NEDD4: variants seen among roughly 807,000 people sequenced by gnomAD.
NEDD4 encodes NEDD4 E3 ubiquitin protein ligase, also known as E3 ubiquitin-protein ligase NEDD4.
A neutral mutation model predicts 144.9 loss-of-function variants in NEDD4; 99 were observed. That is an observed-to-expected ratio of 0.68 (90% CI 0.58 to 0.81). The LOEUF is 0.81. NEDD4 is among the 30% of genes least tolerant of loss of function. The probability of loss-of-function intolerance (pLI) is 0.00; values close to 1 mark genes in which losing one functional copy is unlikely to be tolerated. For missense variants in NEDD4, 985 were observed against 1,065.9 expected (o/e 0.92, Z 1.06); for synonymous variants, 318 against 350.6 (o/e 0.91, Z 1.04).
chr15:55,836,536 T>A (rs2033205776), intron 24 of NEDD4, among the ~76,000 whole-genome samples: 1 of 151,886 alleles, frequency 6.6e-6, no homozygotes, highest in African/African-American at 2.4e-5. Flanking sequence ...CAGGCTAATT[T>A]TTTTTTTGAG....
chr15:55,957,249 A>C (rs1167902226), intron 2 of NEDD4, among the ~76,000 whole-genome samples: 1 of 152,164 alleles, frequency 6.6e-6, no homozygotes, highest in Non-Finnish European at 1.5e-5. Context: ...GCAAATAAAG[A>C]CAGTTTTACT....
At chr15:55,978,566 T>C (rs1160932106) in intron 1 of NEDD4, among the ~76,000 whole-genome samples, 1 of 152,132 alleles carries the variant, frequency 6.6e-6, no homozygotes, top group African/African-American at 2.4e-5. Flanking sequence ...TTAACAGAAA[T>C]CTGGATAGTG....
intron 5 of NEDD4, 40 bp from the exon 6 acceptor site, chr15:55,874,048 T>C: frequency 8.7e-7 from 1 of 1,155,664 alleles, no homozygotes; most frequent in Non-Finnish European, 1.2e-6. Context: ...AGTAATACGC[T>C]CAATTCCTTT....
intron 2 of NEDD4, among the ~76,000 whole-genome samples, chr15:55,954,431 AC>A (rs774259650): frequency 2.6e-5 from 4 of 152,202 alleles, no homozygotes; most frequent in Non-Finnish European, 5.9e-5. Context: ...AAATATAAAT[AC>A]AAAATGTAAA....
intron 24 of NEDD4, among the ~76,000 whole-genome samples, chr15:55,837,228 G>C (rs2033248945): frequency 6.6e-6 from 1 of 152,066 alleles, no homozygotes; most frequent in African/African-American, 2.4e-5. Context: ...TCTGGAGTTT[G>C]AGACCAGCCC....
intron 5 of NEDD4, among the ~76,000 whole-genome samples, chr15:55,900,380 T>C (rs1236745595): frequency 6.6e-6 from 1 of 152,218 alleles, no homozygotes; most frequent in African/African-American, 2.4e-5. Flanking sequence ...ATTTGGGTTA[T>C]AATTGTTATT....
At chr15:55,835,898 T>C (rs1433545746) in intron 24 of NEDD4, among the ~76,000 whole-genome samples, 7 of 152,204 alleles carry the variant, frequency 4.6e-5, no homozygotes, top group African/African-American at 1.7e-4. Flanking sequence ...TAGCCTTTAA[T>C]GCTACCTTCC....
intron 2 of NEDD4, among the ~76,000 whole-genome samples, chr15:55,956,480 G>T (rs1310711537): frequency 1.3e-5 from 2 of 152,148 alleles, no homozygotes; most frequent in African/African-American, 4.8e-5. Context: ...TAAGGACCAA[G>T]ATTCATTTCA....
chr15:55,977,038 C>G (rs1213717994), intron 1 of NEDD4, among the ~76,000 whole-genome samples: 2 of 152,202 alleles, frequency 1.3e-5, no homozygotes, highest in African/African-American at 4.8e-5. Flanking sequence ...CAAGCAGTAG[C>G]TTGTATGCCT....
At chr15:55,854,717 T>C (rs1472077004) in intron 12 of NEDD4, among the ~76,000 whole-genome samples, 3 of 152,056 alleles carry the variant, frequency 2.0e-5, no homozygotes, top group East Asian at 3.9e-4. Flanking sequence ...AACTCTTTAA[T>C]TGTATGATCA....
chr15:55,981,653 T>C (rs890935155), intron 1 of NEDD4, among the ~76,000 whole-genome samples: 1 of 152,138 alleles, frequency 6.6e-6, no homozygotes, highest in Non-Finnish European at 1.5e-5. Context: ...CCAGAATCCT[T>C]GGATTTAGGA....
chr15:55,880,849 C>T (rs1247048533), intron 5 of NEDD4, among the ~76,000 whole-genome samples: 3 of 152,206 alleles, frequency 2.0e-5, no homozygotes, highest in African/African-American at 7.2e-5. Context: ...TACAAAGTGC[C>T]CTGCATAATA....
intron 26 of NEDD4, among the ~76,000 whole-genome samples, chr15:55,833,801 G>T (rs1490477063): frequency 2.0e-5 from 3 of 152,180 alleles, no homozygotes; most frequent in African/African-American, 7.2e-5. Flanking sequence ...AGAAAACTAA[G>T]TGCCTGTCTC....
chr15:55,964,935 G>C (rs1310875171), intron 2 of NEDD4, among the ~76,000 whole-genome samples: 1 of 151,730 alleles, frequency 6.6e-6, no homozygotes, highest in African/African-American at 2.4e-5. Context: ...TCAAAAAGAG[G>C]CTGGCACACC....
intron 1 of NEDD4, among the ~76,000 whole-genome samples, chr15:55,974,887 C>CTTTTTTTTTT (rs2037672792): frequency 1.4e-5 from 1 of 72,166 alleles, no homozygotes; most frequent in Non-Finnish European, 2.7e-5. Context: ...ATTTCTTTTC[C>CTTTTTTTTTT]TTTCTTTTTT....
intron 5 of NEDD4, chr15:55,916,936 G>A: frequency 6.7e-7 from 1 of 1,496,778 alleles, no homozygotes; most frequent in Non-Finnish European, 8.9e-7. Flanking sequence ...AAAATCATTT[G>A]TGGTGCCTAA....
intron 5 of NEDD4, among the ~76,000 whole-genome samples, chr15:55,891,350 A>T (rs2035566017): frequency 6.6e-6 from 1 of 152,218 alleles, no homozygotes; most frequent in Admixed American, 6.5e-5. Context: ...AAAGTCTGGG[A>T]CATATGGTTG....
intron 2 of NEDD4, among the ~76,000 whole-genome samples, chr15:55,954,542 G>C (rs1279770286): frequency 4.2e-5 from 6 of 142,916 alleles, no homozygotes; most frequent in Admixed American, 2.1e-4. Flanking sequence ...TTTTTTTTTT[G>C]AGATGGAGTT....
chr15:55,840,363 A>G, intron 21 of NEDD4, 84 bp downstream of exon 21: 1 of 1,166,840 alleles, frequency 8.6e-7, no homozygotes, highest in Non-Finnish European at 1.2e-6. Flanking sequence ...ATTAATTTCC[A>G]TGTCATTAAA....
Sources: gnomAD v4.1 joint callset for allele counts (sites outside exome capture counted in the v4.1 genomes callset) on GRCh38, gnomAD v4.1.1 for gene constraint, MANE v1.5 for transcripts, NCBI Gene and HGNC (gene_info 2026-07-23, HGNC 2026-07-21) for gene names.